DRC8: variants seen among roughly 807,000 people sequenced by gnomAD.
The protein encoded by DRC8 is dynein regulatory complex protein 8.
the DRC8 span, among the ~76,000 whole-genome samples, chr1:245,074,531 A>G: frequency 6.6e-6 from 1 of 152,100 alleles, no homozygotes; most frequent in Non-Finnish European, 1.5e-5. Context: ...CCATCTCTTC[A>G]AATTGGAGAA....
the DRC8 span, among the ~76,000 whole-genome samples, chr1:245,029,612 T>C: frequency 1.4e-5 from 2 of 145,754 alleles, no homozygotes; most frequent in Non-Finnish European, 3.0e-5. Context: ...TTTTTTTTTT[T>C]GGAAAAGGAA....
the DRC8 span, chr1:245,002,052 T>G: frequency 8.0e-7 from 1 of 1,256,982 alleles, no homozygotes; most frequent in Non-Finnish European, 1.1e-6. Context: ...TATTTTTTCA[T>G]CACGTAATCA....
chr1:244,977,973 T>C, the DRC8 span, among the ~76,000 whole-genome samples: 1 of 152,030 alleles, frequency 6.6e-6, no homozygotes, highest in Non-Finnish European at 1.5e-5. Context: ...GATAGCAGGG[T>C]GATTAGACTT....
At chr1:245,087,687 C>T in the DRC8 span, 1 of 1,031,384 alleles carries the variant, frequency 9.7e-7, no homozygotes, top group East Asian at 1.0e-4. Context: ...CTTAATTACC[C>T]AAGGTTTGGC....
At chr1:245,107,947 T>C in the DRC8 span, among the ~76,000 whole-genome samples, 2 of 152,160 alleles carry the variant, frequency 1.3e-5, no homozygotes, top group Non-Finnish European at 2.9e-5. Flanking sequence ...ACTCCTCCTC[T>C]GCTGTTGTTC....
the DRC8 span, among the ~76,000 whole-genome samples, chr1:245,040,460 C>G: frequency 6.6e-6 from 1 of 152,148 alleles, no homozygotes; most frequent in Non-Finnish European, 1.5e-5. Flanking sequence ...AGGATAGGAC[C>G]AATTTCCAAT....
At chr1:245,102,176 C>T in the DRC8 span, among the ~76,000 whole-genome samples, 1 of 152,156 alleles carries the variant, frequency 6.6e-6, no homozygotes, top group East Asian at 1.9e-4. Flanking sequence ...AGCCTAATAT[C>T]TCCTGATTCT....
At chr1:245,054,539 T>A in the DRC8 span, among the ~76,000 whole-genome samples, 1 of 152,168 alleles carries the variant, frequency 6.6e-6, no homozygotes, top group Admixed American at 6.5e-5. Context: ...CTTTCCATTT[T>A]TTTTCTCCTT....
the DRC8 span, among the ~76,000 whole-genome samples, chr1:245,080,530 T>C: frequency 6.6e-6 from 1 of 152,206 alleles, no homozygotes; most frequent in Non-Finnish European, 1.5e-5. Flanking sequence ...GGATTCCTTA[T>C]CTCAGGGAAA....
the DRC8 span, among the ~76,000 whole-genome samples, chr1:245,040,185 C>T: frequency 1.3e-5 from 2 of 152,098 alleles, no homozygotes; most frequent in East Asian, 1.9e-4. Flanking sequence ...GTTGGGCAGT[C>T]GGCAGCCATT....
the DRC8 span, among the ~76,000 whole-genome samples, chr1:244,971,432 T>C: frequency 6.6e-6 from 1 of 152,218 alleles, no homozygotes; most frequent in South Asian, 2.1e-4. Flanking sequence ...AGTGATTACG[T>C]TTATTTGCAA....
At chr1:245,009,037 T>TC in the DRC8 span, among the ~76,000 whole-genome samples, 2 of 127,470 alleles carry the variant, frequency 1.6e-5, no homozygotes, top group Non-Finnish European at 3.3e-5. Flanking sequence ...TCTTTTTTTT[T>TC]TTTTTTTTTT....
the DRC8 span, among the ~76,000 whole-genome samples, chr1:245,015,233 G>T: frequency 6.6e-6 from 1 of 152,226 alleles, no homozygotes; most frequent in Admixed American, 6.5e-5. Context: ...CCTCCTGCCT[G>T]GGCCTACCAA....
At chr1:244,974,585 T>C in the DRC8 span, among the ~76,000 whole-genome samples, 1 of 152,210 alleles carries the variant, frequency 6.6e-6, no homozygotes, top group East Asian at 1.9e-4. Flanking sequence ...CATTTGGAAA[T>C]ATAAAGTAAA....
At chr1:245,047,090 C>G in the DRC8 span, among the ~76,000 whole-genome samples, 1 of 152,194 alleles carries the variant, frequency 6.6e-6, no homozygotes, top group African/African-American at 2.4e-5. Flanking sequence ...CATCAGCCTT[C>G]GTGAAGGATG....
the DRC8 span, among the ~76,000 whole-genome samples, chr1:245,018,063 C>A: frequency 1.3e-5 from 2 of 151,854 alleles, no homozygotes; most frequent in African/African-American, 4.8e-5. Context: ...TCTGTCTCTA[C>A]TAAAAATACA....
At chr1:245,020,307 C>T in the DRC8 span, among the ~76,000 whole-genome samples, 2 of 152,200 alleles carry the variant, frequency 1.3e-5, no homozygotes, top group Non-Finnish European at 2.9e-5. Context: ...AGCCCACTGT[C>T]AAAAGCATTA....
the DRC8 span, among the ~76,000 whole-genome samples, chr1:244,997,453 C>T: frequency 6.6e-6 from 1 of 151,622 alleles, no homozygotes; most frequent in Admixed American, 6.6e-5. Context: ...CTGAATCAGT[C>T]TACTTCCAAT....
At chr1:245,010,684 T>TTC in the DRC8 span, among the ~76,000 whole-genome samples, 3 of 147,510 alleles carry the variant, frequency 2.0e-5, no homozygotes, top group East Asian at 5.9e-4. Context: ...TTTCTTTCTT[T>TTC]TTTTTTTTTT....
Sources: gnomAD v4.1 joint callset for allele counts (sites outside exome capture counted in the v4.1 genomes callset) on GRCh38, gnomAD v4.1.1 for gene constraint, MANE v1.5 for transcripts, NCBI Gene and HGNC (gene_info 2026-07-23, HGNC 2026-07-21) for gene names.